The following GRIP1 variants were observed in gnomAD, a reference collection of about 807,000 sequenced individuals.
The protein encoded by GRIP1 is glutamate receptor interacting protein 1, also known as glutamate receptor-interacting protein 1.
Under a neutral mutation model 129.9 loss-of-function variants are expected in GRIP1, and 45 were observed. The ratio of observed to expected loss-of-function variants is 0.35; its 90% CI spans 0.27 to 0.44. The LOEUF (loss-of-function observed/expected upper bound fraction) is 0.44. GRIP1 is among the 20% of genes least tolerant of loss of function. GRIP1 has a pLI of 1.00. For synonymous variants in GRIP1, 530 were observed against 520.8 expected, an observed-to-expected ratio of 1.02 and a Z score of -0.24; for missense variants, 1,196 against 1,396.8, an observed-to-expected ratio of 0.86 and a Z score of 2.29.
chr12:66,728,332 G>T (rs2036319630), intron 1 of GRIP1, among the ~76,000 whole-genome samples: 1 of 152,156 alleles, frequency 6.6e-6, no homozygotes, highest in East Asian at 1.9e-4. Flanking sequence ...GGCAATAAAT[G>T]CAGGGCTGCA....
chr12:67,030,304 T>C (rs1284965790), intron 1 of GRIP1, among the ~76,000 whole-genome samples: 1 of 151,826 alleles, frequency 6.6e-6, no homozygotes, highest in Non-Finnish European at 1.5e-5. Flanking sequence ...CAGAAAATTA[T>C]TGCCATAGGG....
At chr12:66,838,068 C>T (rs1383686872) in intron 1 of GRIP1, among the ~76,000 whole-genome samples, 2 of 151,986 alleles carry the variant, frequency 1.3e-5, no homozygotes, top group African/African-American at 2.4e-5. Flanking sequence ...TGCCTGTAAT[C>T]CCAGCTACTC....
Position 66,820,125 on chromosome 12 carries a change from G to A in GRIP1, c.59-223198C>T, listed in dbSNP as rs186812706. On this transcript the variant is annotated intron_variant, in intron 1 of 1. Transcript: ENST00000643019. ...GGGAAAAATAACCATTTTGAAATACGCTGGGCTGGGCACGGTGGCTCACGC... is the reference window on the plus strand; with the variant it reads ...GGGAAAAATAACCATTTTGAAATACACTGGGCTGGGCACGGTGGCTCACGC... 1.6e-4 allele frequency among the ~76,000 whole-genome samples: 24 copies of A among 152,176 alleles called. No individual in the cohort carries two copies. In the East Asian group the frequency reaches 4.3e-3, roughly 27 times the overall value.
chr12:66,726,777 T>A (rs186497306), intron 1 of GRIP1, among the ~76,000 whole-genome samples: 1 of 152,194 alleles, frequency 6.6e-6, no homozygotes, highest in Non-Finnish European at 1.5e-5. Context: ...CTGGAAGAAT[T>A]TGAGGCAGTA....
chr12:66,477,460 A>T (rs1212000034), intron 7 of GRIP1, among the ~76,000 whole-genome samples: 4 of 152,006 alleles, frequency 2.6e-5, no homozygotes, highest in Non-Finnish European at 5.9e-5. Flanking sequence ...TGCCCCAGGT[A>T]ATTTATAGAT....
chr12:66,655,801 C>T (rs1036957001), intron 1 of GRIP1, among the ~76,000 whole-genome samples: 1 of 151,872 alleles, frequency 6.6e-6, no homozygotes, highest in Admixed American at 6.6e-5. Context: ...TTAGTAGAGA[C>T]GGGGTTTCAC....
chr12:66,761,969 C>T (rs1356904694), intron 1 of GRIP1, among the ~76,000 whole-genome samples: 1 of 152,192 alleles, frequency 6.6e-6, no homozygotes, highest in African/African-American at 2.4e-5. Context: ...ACTTATTTCT[C>T]TCTGCCTCGG....
At chr12:66,422,557 A>G (rs929557430) in intron 14 of GRIP1, among the ~76,000 whole-genome samples, 1 of 148,140 alleles carries the variant, frequency 6.8e-6, no homozygotes, top group African/African-American at 2.4e-5. Flanking sequence ...ACCATCACAT[A>G]GCACTCAATG....
chr12:66,707,845 T>TA (rs2035587202), intron 1 of GRIP1, among the ~76,000 whole-genome samples: 1 of 151,880 alleles, frequency 6.6e-6, no homozygotes, highest in African/African-American at 2.4e-5. Flanking sequence ...TCCTGAATAA[T>TA]AAAAAAGAAA....
chr12:66,362,300 T>A (rs1273847879), intron 23 of GRIP1, among the ~76,000 whole-genome samples: 1 of 151,806 alleles, frequency 6.6e-6, no homozygotes. Flanking sequence ...ATTACGGGCC[T>A]GCACCACCAT....
chr12:66,619,052 T>C (rs1413218840), intron 1 of GRIP1, among the ~76,000 whole-genome samples: 1 of 152,166 alleles, frequency 6.6e-6, no homozygotes, highest in Non-Finnish European at 1.5e-5. Context: ...AGCTTTGTTG[T>C]TGTTGTTACA....
chr12:66,725,473 T>C (rs1398521230), intron 1 of GRIP1, among the ~76,000 whole-genome samples: 1 of 152,182 alleles, frequency 6.6e-6, no homozygotes, highest in East Asian at 1.9e-4. Flanking sequence ...TTTTAGACCA[T>C]ATGTATACAT....
At chr12:66,579,575 G>A (rs559357340) in intron 2 of GRIP1, among the ~76,000 whole-genome samples, 3 of 152,192 alleles carry the variant, frequency 2.0e-5, no homozygotes, top group Non-Finnish European at 4.4e-5. Flanking sequence ...AGCTGATGAA[G>A]CTGAAAGCCA....
At chr12:67,053,850 AT>A (rs1242971892) in intron 1 of GRIP1, among the ~76,000 whole-genome samples, 15 of 145,106 alleles carry the variant, frequency 1.0e-4, no homozygotes, top group South Asian at 2.2e-4. Flanking sequence ...AAAAAAAAAA[AT>A]AAATATAAAT....
chr12:67,066,911 T>TATATATAC lies in GRIP1; in HGVS notation c.58+2138_58+2139insGTATATAT, dbSNP rs1474197671. Reference sequence around the variant, plus strand: ...ATTTATATATATATATATATATATATACACACACACACAAACTGAAACACA... The same window carrying TATATATAC: ...ATTTATATATATATATATATATATATATATATACACACACACACACAAACTGAAACACA... On this transcript the variant is annotated intron_variant, in intron 1 of 1. Coordinates refer to the GRIP1 transcript ENST00000643019. 6.6e-3 allele frequency among the ~76,000 whole-genome samples: 922 copies of TATATATAC among 140,534 alleles called. 7 individuals are homozygous for TATATATAC. Among genetic ancestry groups the TATATATAC allele is most frequent in the African/African-American group, 0.011 (399 of 37,322 alleles). 92.2% of individuals were successfully genotyped at this position (140,534 alleles called of 152,430 possible).
At chr12:66,986,801 A>C (rs1307285670) in intron 1 of GRIP1, among the ~76,000 whole-genome samples, 1 of 150,850 alleles carries the variant, frequency 6.6e-6, no homozygotes, top group Non-Finnish European at 1.5e-5. Context: ...CACATTGTGC[A>C]CATGTACCCT....
upstream of GRIP1, among the ~76,000 whole-genome samples, chr12:66,806,151 T>C (rs971936145): frequency 2.6e-5 from 4 of 152,076 alleles, no homozygotes; most frequent in Admixed American, 1.3e-4. Context: ...ACCTAACAGC[T>C]CTAATAATGA....
intron 1 of GRIP1, among the ~76,000 whole-genome samples, chr12:67,024,599 C>T (rs546194334): frequency 6.6e-6 from 1 of 152,206 alleles, no homozygotes; most frequent in South Asian, 2.1e-4. Context: ...AAAATCCTAC[C>T]ATCTTATTTG....
At position 66,558,448 on chromosome 12, in the gene GRIP1, C is replaced by T. The variant is rs181438779; in HGVS notation, c.137-16498G>A. On this transcript the variant is annotated intron_variant, in intron 2 of 24. Coordinates refer to ENST00000359742, the MANE Select transcript of GRIP1 (RefSeq NM_001366722.1). The stretch of plus-strand genomic sequence containing the variant: ...TTCAATTATCTCCCACTGGGTCCCT[C>T]ACACAACATGTGTGAATTATGGGAG... 1.1e-4 allele frequency among the ~76,000 whole-genome samples: 16 copies of T among 152,288 alleles called. No homozygotes were observed. The East Asian group carries it at 2.9e-3, about 28-fold the overall frequency.
Sources: allele counts gnomAD v4.1 joint callset (sites outside exome capture counted in the v4.1 genomes callset), GRCh38; gene constraint gnomAD v4.1.1; transcripts MANE v1.5; gene names NCBI Gene and HGNC (gene_info 2026-07-23, HGNC 2026-07-21).